The following GRID2 variants were observed in gnomAD, a reference collection of about 807,000 sequenced individuals.
The protein encoded by GRID2 is glutamate ionotropic receptor delta type subunit 2.
GRID2 carries 33 observed loss-of-function variants against 114.8 expected under a neutral mutation model. The ratio of observed to expected loss-of-function variants is 0.29; its 90% confidence interval spans 0.22 to 0.38. The LOEUF is 0.38. GRID2 is among the 10% of genes least tolerant of loss of function. The pLI is 1.00. For missense variants in GRID2, 1,184 were observed against 1,257.7 expected (o/e 0.94, Z 0.89); for synonymous variants, 505 against 449.9 (o/e 1.12, Z -1.55).
chr4:92,612,881 C>T (rs905841574), intron 2 of GRID2, among the ~76,000 whole-genome samples: 4 of 151,402 alleles, frequency 2.6e-5, no homozygotes, highest in African/African-American at 9.7e-5. Flanking sequence ...AATACATTTA[C>T]AGTCCTTCCT....
At chr4:93,795,866 G>C (rs1272938674) in intron 1 of GRID2, among the ~76,000 whole-genome samples, 2 of 152,216 alleles carry the variant, frequency 1.3e-5, no homozygotes, top group African/African-American at 4.8e-5. Flanking sequence ...ACTGCAGCTA[G>C]TTGGGGAAAG....
chr4:93,332,299 T>TGTGA (rs1332631052), intron 8 of GRID2, among the ~76,000 whole-genome samples: 21 of 121,040 alleles, frequency 1.7e-4, no homozygotes, highest in African/African-American at 4.6e-4. Context: ...TGTGTGTGTG[T>TGTGA]GAGAGAGAGA....
chr4:93,016,553 C>A (rs749073035), intron 2 of GRID2, among the ~76,000 whole-genome samples: 4 of 152,120 alleles, frequency 2.6e-5, no homozygotes, highest in Non-Finnish European at 4.4e-5. Flanking sequence ...CCCATCCCCT[C>A]TCTGGGCAGT....
At chr4:92,821,241 A>C (rs1157839106) in intron 2 of GRID2, among the ~76,000 whole-genome samples, 1 of 152,190 alleles carries the variant, frequency 6.6e-6, no homozygotes, top group East Asian at 1.9e-4. Context: ...CCAATACAAA[A>C]ATATGTGGAG....
Position 92,974,839 on chromosome 4 carries a change from CAAACA to C in GRID2, c.245-110148_245-110144del, listed in dbSNP as rs548178240. On this transcript the variant is annotated intron_variant, in intron 2 of 15. Coordinates refer to ENST00000282020, the MANE Select transcript of GRID2 (RefSeq NM_001510.4). ...ACCCAGAACTGAAAGTATAATTAAACAAACAAAACAAACAACAAAAAAAGTGTTGA... is the reference window on the plus strand; with the variant it reads ...ACCCAGAACTGAAAGTATAATTAAACAAACAAACAACAAAAAAAGTGTTGA... Among the ~76,000 whole-genome samples, 111 of 151,912 alleles carry C rather than the reference CAAACA, an allele frequency of 7.3e-4. 1 individual carries two copies. Among genetic ancestry groups the C allele is most frequent in the African/African-American group, 2.5e-3 (103 of 41,452 alleles).
intron 2 of GRID2, among the ~76,000 whole-genome samples, chr4:92,943,453 C>T (rs1427990546): frequency 2.6e-5 from 4 of 152,128 alleles, no homozygotes; most frequent in African/African-American, 7.2e-5. Context: ...GACTTCTCTG[C>T]ATTGGTTATT....
intron 4 of GRID2, among the ~76,000 whole-genome samples, chr4:93,149,573 C>CAAA (rs201508289): frequency 5.6e-5 from 8 of 141,902 alleles, no homozygotes; most frequent in African/African-American, 1.3e-4. Context: ...AAGACTCCAT[C>CAAA]AAAAAAAAAA....
chr4:92,439,026 G>C (rs1402150081), intron 1 of GRID2, among the ~76,000 whole-genome samples: 3 of 152,098 alleles, frequency 2.0e-5, no homozygotes, highest in African/African-American at 7.2e-5. Flanking sequence ...TTCACCTGGG[G>C]GCAGGTGGGC....
chr4:93,027,956 G>C (rs945689439), intron 2 of GRID2, among the ~76,000 whole-genome samples: 1 of 151,954 alleles, frequency 6.6e-6, no homozygotes, highest in African/African-American at 2.4e-5. Context: ...GTATTTTTAA[G>C]TAATCTCAAT....
chr4:93,453,353 A>T (rs1580128809), intron 10 of GRID2, among the ~76,000 whole-genome samples: 1 of 108,204 alleles, frequency 9.2e-6, no homozygotes, highest in African/African-American at 3.1e-5. Context: ...AGAGAGAGAG[A>T]GAGAGAGTGT....
chr4:92,799,700 A>C, intron 2 of GRID2, among the ~76,000 whole-genome samples: 1 of 151,996 alleles, frequency 6.6e-6, no homozygotes, highest in East Asian at 1.9e-4. Flanking sequence ...GGGGTTACAA[A>C]TACAAATACA....
intron 1 of GRID2, among the ~76,000 whole-genome samples, chr4:92,586,172 G>T (rs1728430104): frequency 6.6e-6 from 1 of 151,808 alleles, no homozygotes; most frequent in East Asian, 1.9e-4. Context: ...TACCTCTGTG[G>T]TAGAGGAAAC....
intron 13 of GRID2, among the ~76,000 whole-genome samples, chr4:93,537,397 A>G (rs1732205144): frequency 6.6e-6 from 1 of 151,782 alleles, no homozygotes; most frequent in Non-Finnish European, 1.5e-5. Context: ...TTTGCCTTCT[A>G]ATAAATAAGA....
intron 2 of GRID2, among the ~76,000 whole-genome samples, chr4:92,866,976 A>G (rs1471225269): frequency 6.6e-6 from 1 of 152,130 alleles, no homozygotes; most frequent in Non-Finnish European, 1.5e-5. Context: ...GGCTCATTCA[A>G]TGAAGCTTTT....
At chr4:92,742,653 T>G (rs1354700158) in intron 2 of GRID2, among the ~76,000 whole-genome samples, 2 of 152,194 alleles carry the variant, frequency 1.3e-5, no homozygotes, top group African/African-American at 4.8e-5. Context: ...TGAATAACCT[T>G]TGACTTCTTT....
chr4:93,569,241 C>T (rs780072494), intron 13 of GRID2, among the ~76,000 whole-genome samples: 17 of 152,092 alleles, frequency 1.1e-4, no homozygotes, highest in Non-Finnish European at 2.2e-4. Flanking sequence ...ATTTCCCTGC[C>T]CTCCTTTCAT....
intron 2 of GRID2, among the ~76,000 whole-genome samples, chr4:92,624,522 G>T (rs528885972): frequency 1.3e-5 from 2 of 151,754 alleles, no homozygotes; most frequent in African/African-American, 4.8e-5. Flanking sequence ...TGGAATGCTC[G>T]TATTGAATTT....
At chr4:92,340,982 G>T (rs1727450900) in intron 1 of GRID2, among the ~76,000 whole-genome samples, 1 of 151,928 alleles carries the variant, frequency 6.6e-6, no homozygotes, top group Admixed American at 6.6e-5. Flanking sequence ...AACCATTCCT[G>T]CAGTTTTGTG....
chr4:92,847,271 G>GT (rs1743397037), intron 2 of GRID2, among the ~76,000 whole-genome samples: 1 of 152,020 alleles, frequency 6.6e-6, no homozygotes, highest in African/African-American at 2.4e-5. Context: ...ACACAACCAG[G>GT]TCAAACTGCA....
Sources: allele counts gnomAD v4.1 joint callset (sites outside exome capture counted in the v4.1 genomes callset), GRCh38; gene constraint gnomAD v4.1.1; transcripts MANE v1.5; gene names NCBI Gene and HGNC (gene_info 2026-07-23, HGNC 2026-07-21).